TMTC1: variants seen among roughly 807,000 people sequenced by gnomAD.
TMTC1 encodes protein O-mannosyl-transferase TMTC1.
TMTC1 carries 73 observed loss-of-function variants against 104.8 expected under a neutral mutation model. The ratio of observed to expected loss-of-function variants is 0.70; its 90% CI spans 0.58 to 0.85. TMTC1 has a LOEUF of 0.85. Among genes scored for constraint, TMTC1 ranks in the 40% least tolerant of loss-of-function variants. The pLI is 0.00. For missense variants in TMTC1, 1,035 were observed against 1,096.1 expected (o/e 0.94, Z 0.79); for synonymous variants, 434 against 428.7 (o/e 1.01, Z -0.15).
chr12:29,691,034 G>A (rs970316188), intron 5 of TMTC1, among the ~76,000 whole-genome samples: 2 of 152,158 alleles, frequency 1.3e-5, no homozygotes, highest in African/African-American at 2.4e-5. Flanking sequence ...ATTGAGAATA[G>A]CCCTTTCCCA....
At chr12:29,781,430 TGTCAACTCCTA>T in intron 1 of TMTC1, among the ~76,000 whole-genome samples, 1 of 152,356 alleles carries the variant, frequency 6.6e-6, no homozygotes, top group Non-Finnish European at 1.5e-5. Context: ...GCCCTTGTTC[TGTCAACTCCTA>T]GCCAATTTTC....
intron 6 of TMTC1, among the ~76,000 whole-genome samples, chr12:29,610,439 G>A (rs1474606876): frequency 6.6e-6 from 1 of 152,190 alleles, no homozygotes; most frequent in Non-Finnish European, 1.5e-5. Context: ...CTCAATAGCT[G>A]GAGAAGAGGA....
chr12:29,780,664 AAT>A (rs78269505), intron 1 of TMTC1, among the ~76,000 whole-genome samples: 1 of 131,140 alleles, frequency 7.6e-6, no homozygotes, highest in East Asian at 2.2e-4. Context: ...AAATAAAAAA[AAT>A]AGAAGTACAT....
intron 7 of TMTC1, among the ~76,000 whole-genome samples, chr12:29,598,251 A>C (rs953633985): frequency 9.2e-5 from 14 of 152,246 alleles, no homozygotes; most frequent in African/African-American, 3.4e-4. Flanking sequence ...AACTCCAAAG[A>C]AGCATACAAA....
rs1943581571 is a variant in TMTC1, at chr12:29,501,184, C to T, written c.*5662G>A. 6.6e-6 allele frequency: 1 copy of T among 152,104 alleles called. No homozygotes were observed. Among genetic ancestry groups the T allele is most frequent in the Non-Finnish European group, 1.5e-5 (1 of 68,002 alleles). The allele number at this position is 152,104 out of a possible 1,614,324, so 9.4% of individuals were successfully genotyped here. A position where few individuals can be genotyped will look rare whatever the true frequency, so the allele number is the denominator to read the frequency against. ...GAGGAAGTTTCACCTCATCTTTTTT[C>T]CCCAGTAAAGTAACAATCACTGTAG... is the stretch of plus-strand genomic sequence containing the variant. On this transcript the variant is annotated 3_prime_UTR_variant, in exon 18 of 18. Transcript: ENST00000539277.
At position 29,555,134 on chromosome 12, in the gene TMTC1, CTTTTTT is replaced by C. The variant is rs77513599; in HGVS notation, c.1676+1717_1676+1722del. Among the ~76,000 whole-genome samples, 687 of 88,206 alleles carry C rather than the reference CTTTTTT, an allele frequency of 7.8e-3. 1 individual carries two copies. Among genetic ancestry groups the C allele is most frequent in the Non-Finnish European group, 9.4e-3 (476 of 50,450 alleles). The allele number at this position is 88,206 out of a possible 152,430, so 57.9% of individuals were successfully genotyped here. A position where few individuals can be genotyped will look rare whatever the true frequency, so the allele number is the denominator to read the frequency against. On this transcript the variant is annotated intron_variant, in intron 10 of 17. Transcript: ENST00000539277. ...GGGTTTAGGATTCAGTTCCAACATCCTTTTTTTTTTTTTTTTTTTTTGAGACAGAGT... is the reference window on the plus strand; with the variant it reads ...GGGTTTAGGATTCAGTTCCAACATCCTTTTTTTTTTTTTTTGAGACAGAGT...
At chr12:29,620,216 C>T (rs1290962267) in intron 6 of TMTC1, among the ~76,000 whole-genome samples, 2 of 152,124 alleles carry the variant, frequency 1.3e-5, no homozygotes, top group Non-Finnish European at 2.9e-5. Context: ...TGTGGCTTGC[C>T]CTGGTCCAAC....
chr12:29,602,429 A>G (rs1472638339), intron 7 of TMTC1, among the ~76,000 whole-genome samples: 1 of 152,194 alleles, frequency 6.6e-6, no homozygotes, highest in African/African-American at 2.4e-5. Context: ...GAGCCACTGC[A>G]CCTGGCCCTA....
At chr12:29,645,557 G>A (rs10843460) in intron 5 of TMTC1, among the ~76,000 whole-genome samples, 34,934 of 152,046 alleles carry the variant, frequency 0.23, 4,070 homozygotes, top group Middle Eastern at 0.28. Flanking sequence ...GGAGTTCAAC[G>A]TCTGAGAATG....
intron 5 of TMTC1, among the ~76,000 whole-genome samples, chr12:29,699,513 T>C (rs1372133036): frequency 6.6e-6 from 1 of 152,200 alleles, no homozygotes; most frequent in Admixed American, 6.5e-5. Context: ...ACTCCAAATG[T>C]AATTGATACA....
At position 29,512,060 on chromosome 12, in the gene TMTC1, C is replaced by T. The variant is rs1943853947; in HGVS notation, c.2491G>A (p.Gly831Ser). 2 of 1,614,034 alleles carry T rather than the reference C, an allele frequency of 1.2e-6. No homozygotes were observed. Among genetic ancestry groups the T allele is most frequent in the Non-Finnish European group, 1.7e-6 (2 of 1,179,928 alleles). Reference sequence around the variant, plus strand: ...TCTCCTACCTTGATGTGTTGGATGCCACCCATGTTCATCCAGGCCTGTGCT... The same window carrying T: ...TCTCCTACCTTGATGTGTTGGATGCTACCCATGTTCATCCAGGCCTGTGCT... ...DQAQAWMNMG[G>S]IQHIKGKYVS... Residue 831 changes from glycine to serine, a missense_variant, in exon 17 of 18, where the codon GGC becomes AGC. Transcript: ENST00000539277.
At chr12:29,621,502 C>CT (rs1230824226) in intron 6 of TMTC1, among the ~76,000 whole-genome samples, 2 of 152,102 alleles carry the variant, frequency 1.3e-5, no homozygotes, top group Admixed American at 6.5e-5. Flanking sequence ...CTACCTTGTT[C>CT]TTTTTTTAAA....
chr12:29,614,441 T>C (rs1946926239), intron 6 of TMTC1, among the ~76,000 whole-genome samples: 1 of 152,348 alleles, frequency 6.6e-6, no homozygotes, highest in South Asian at 2.1e-4. Flanking sequence ...AATAACGCTC[T>C]TCCTTCACCT....
chr12:29,624,404 G>A (rs750429048), intron 6 of TMTC1, among the ~76,000 whole-genome samples: 2 of 152,102 alleles, frequency 1.3e-5, no homozygotes, highest in East Asian at 1.9e-4. Flanking sequence ...GAAAGTAGGC[G>A]AAGGCTTAAA....
At chr12:29,681,645 G>A (rs79440618) in intron 5 of TMTC1, among the ~76,000 whole-genome samples, 20,611 of 151,366 alleles carry the variant, frequency 0.14, 1,676 homozygotes, top group East Asian at 0.33. Context: ...CAGATTGTGG[G>A]AAGTGTTACA....
intron 5 of TMTC1, among the ~76,000 whole-genome samples, chr12:29,698,445 G>A (rs1941488298): frequency 6.6e-6 from 1 of 152,116 alleles, no homozygotes; most frequent in Non-Finnish European, 1.5e-5. Context: ...ATTCCAGGAG[G>A]AAATGCTTGG....
In TMTC1 at chr12:29,643,863, A is replaced by G. The variant is rs1454444634; in HGVS notation, c.939-10527T>C. ...TTTATATATTTATATATATTTATAT[A>G]TATTTTTATATATAAATTTAAATAT... On this transcript the variant is annotated intron_variant, in intron 5 of 17. Transcript: ENST00000539277. 1.5e-3 allele frequency among the ~76,000 whole-genome samples: 85 copies of G among 57,960 alleles called. 1 individual carries two copies. Among genetic ancestry groups the G allele is most frequent in the African/African-American group, 5.3e-3 (77 of 14,432 alleles). The allele number at this position is 57,960 out of a possible 152,430, so 38.0% of individuals were successfully genotyped here.
chr12:29,623,382 T>A (rs1275602086), intron 6 of TMTC1, among the ~76,000 whole-genome samples: 2 of 152,138 alleles, frequency 1.3e-5, no homozygotes, highest in Non-Finnish European at 2.9e-5. Flanking sequence ...TAGGAAAGAG[T>A]ATGCTCCCAC....
At position 29,704,886 on chromosome 12, in the gene TMTC1, C is replaced by G. The variant is rs371015122; in HGVS notation, c.938+46780G>C. Among the ~76,000 whole-genome samples, 25 of 152,302 alleles carry G rather than the reference C, an allele frequency of 1.6e-4. No homozygotes were observed. The East Asian group carries it at 3.5e-3, about 21-fold the overall frequency. ...CTGGGCCTCTCACTTTTAGAGACAT[C>G]TTTTGATTGCAGCATATCTAACGAA... On this transcript the variant is annotated intron_variant, in intron 5 of 17. Transcript: ENST00000539277.
Sources: allele counts gnomAD v4.1 joint callset (sites outside exome capture counted in the v4.1 genomes callset), GRCh38; gene constraint gnomAD v4.1.1; transcripts MANE v1.5; gene names NCBI Gene and HGNC (gene_info 2026-07-23, HGNC 2026-07-21).